Variants in ADGRE3 observed in about 807,000 individuals in gnomAD.
ADGRE3 encodes EGF-like module receptor 3.
A neutral mutation model predicts 80.1 loss-of-function variants in ADGRE3; 88 were observed. That is an observed-to-expected ratio of 1.10 (90% CI 0.93 to 1.31). The LOEUF (loss-of-function observed/expected upper bound fraction) is 1.31. ADGRE3 is among the 40% of genes most tolerant of loss of function. The pLI is 0.00. For synonymous variants in ADGRE3, 281 were observed against 294.8 expected (o/e 0.95, Z 0.48); for missense variants, 715 against 776.5 (o/e 0.92, Z 0.94).
At chr19:14,616,121 G>A (rs1027908911), downstream of ADGRE3, among the ~76,000 whole-genome samples, 1 of 151,876 alleles carries the variant, frequency 6.6e-6, no homozygotes, top group Admixed American at 6.6e-5. Flanking sequence ...TAGTAGAGAC[G>A]GGGTGTCACC....
intron 8 of ADGRE3, among the ~76,000 whole-genome samples, chr19:14,645,533 C>T (rs1303443131): frequency 6.6e-6 from 1 of 152,018 alleles, no homozygotes; most frequent in Non-Finnish European, 1.5e-5. Flanking sequence ...GTGGCACTTG[C>T]TCGTAATCCC....
the ADGRE3 span, among the ~76,000 whole-genome samples, chr19:14,614,040 A>G: frequency 1.3e-5 from 2 of 152,254 alleles, no homozygotes; most frequent in East Asian, 1.9e-4. Context: ...GCTGGAGTGC[A>G]GTGGCATTTC....
intron 4 of ADGRE3, among the ~76,000 whole-genome samples, chr19:14,660,037 G>A (rs1213578444): frequency 6.6e-6 from 1 of 151,928 alleles, no homozygotes; most frequent in African/African-American, 2.4e-5. Flanking sequence ...TCTAGAATAT[G>A]TTTGTTATAG....
chr19:14,618,277 G>A (rs1264639473), downstream of ADGRE3, among the ~76,000 whole-genome samples: 1 of 151,908 alleles, frequency 6.6e-6, no homozygotes, highest in Non-Finnish European at 1.5e-5. Flanking sequence ...CTCTCATCAG[G>A]CGCGATGGCT....
intron 15 of ADGRE3, among the ~76,000 whole-genome samples, chr19:14,620,566 ATATTTTTTTTTTTTT>A (rs1568471691): frequency 0.068 from 1,080 of 15,866 alleles, 115 homozygotes; most frequent in Non-Finnish European, 0.093. Context: ...ATATATATAT[ATATTTTTTTTTTTTT>A]TTTTTTTTTT....
chr19:14,623,742 C>T (rs913049607), intron 15 of ADGRE3, among the ~76,000 whole-genome samples: 1 of 152,154 alleles, frequency 6.6e-6, no homozygotes, highest in Non-Finnish European at 1.5e-5. Flanking sequence ...TCTGCTATGC[C>T]TACACTTGTA....
chr19:14,617,699 T>C (rs1017516195), downstream of ADGRE3, among the ~76,000 whole-genome samples: 1 of 151,916 alleles, frequency 6.6e-6, no homozygotes, highest in African/African-American at 2.4e-5. Context: ...CACCCGGCCA[T>C]GTCCTCTCTT....
the ADGRE3 span, among the ~76,000 whole-genome samples, chr19:14,609,715 G>A: frequency 7.2e-5 from 11 of 152,056 alleles, no homozygotes; most frequent in Non-Finnish European, 1.6e-4. Flanking sequence ...GTGGACACCT[G>A]TAATCCCAGC....
chr19:14,629,976 C>A, intron 14 of ADGRE3, 63 bp downstream of exon 14: 2 of 1,110,104 alleles, frequency 1.8e-6, no homozygotes, highest in Non-Finnish European at 2.6e-6. Context: ...CTTAAATCCC[C>A]ATTGAACTCC....
rs1568488475 is a variant in ADGRE3 at position 14,647,242 on chromosome 19, A to G, written c.821T>C (p.Ile274Thr). ...GAGAGACACGTTCCTTTTGGGTCCA[A>G]TAGCAGCACTCACAACCTGAGAGTT... Reference protein sequence around the residue: ...YLNSQVVSAAIGPKRNVSLSK... With the variant: ...YLNSQVVSAATGPKRNVSLSK... The change falls in exon 8 of 16, where the codon ATT becomes ACT. Residue 274 changes from isoleucine (I) to threonine (T), a missense_variant. Transcript: ENST00000253673. 3.1e-6 allele frequency: 5 copies of G among 1,614,084 alleles called. No individual in the cohort carries two copies. Among genetic ancestry groups the G allele is most frequent in the Non-Finnish European group, 4.2e-6 (5 of 1,179,966 alleles).
At chr19:14,615,158 T>A (rs867844126), downstream of ADGRE3, among the ~76,000 whole-genome samples, 1 of 150,536 alleles carries the variant, frequency 6.6e-6, no homozygotes, top group Non-Finnish European at 1.5e-5. Flanking sequence ...TCAGATTCCA[T>A]CTGTGCCTCC....
the ADGRE3 span, among the ~76,000 whole-genome samples, chr19:14,600,958 A>C: frequency 1.6e-5 from 2 of 124,334 alleles, no homozygotes; most frequent in African/African-American, 3.2e-5. Context: ...GCTGGAGTGC[A>C]GTGGTGCAAT....
chr19:14,667,960 ACACT>A (rs1474583480), intron 2 of ADGRE3, among the ~76,000 whole-genome samples: 2 of 152,168 alleles, frequency 1.3e-5, no homozygotes, highest in East Asian at 3.8e-4. Context: ...TACCCACTAA[ACACT>A]CACTCCAGGC....
At chr19:14,645,396 T>G (rs1971370173) in intron 8 of ADGRE3, among the ~76,000 whole-genome samples, 1 of 152,164 alleles carries the variant, frequency 6.6e-6, no homozygotes, top group Admixed American at 6.5e-5. Flanking sequence ...CAGTGGCTCA[T>G]GACTGTAATC....
At chr19:14,613,395 ATTTTTTT>A in the ADGRE3 span, among the ~76,000 whole-genome samples, 1 of 143,712 alleles carries the variant, frequency 7.0e-6, no homozygotes, top group Non-Finnish European at 1.5e-5. Context: ...GCTAATTTTA[ATTTTTTT>A]TTTTTTTTGT....
In ADGRE3 at chr19:14,659,898, G is replaced by A. The variant is rs370130622; in HGVS notation, c.356-1348C>T. ...TACATATCTTTTATCATCATGCTGA[G>A]GTTAAATCTGTACTTATTCTAAATT... On this transcript the variant is annotated intron_variant, in intron 4 of 15. Transcript: ENST00000253673. Among the ~76,000 whole-genome samples the A allele has an allele frequency of 6.1e-4, 91 of 149,214 alleles. No homozygotes were observed. In the South Asian group the frequency reaches 0.018, roughly 30 times the overall value.
intron 11 of ADGRE3, among the ~76,000 whole-genome samples, chr19:14,637,165 A>G (rs1208360989): frequency 6.6e-6 from 1 of 152,192 alleles, no homozygotes. Context: ...CCTGTGTACC[A>G]GTGAAACTAC....
chr19:14,658,456 A>G (rs1219628671), intron 5 of ADGRE3, 57 bp downstream of exon 5: 2 of 1,400,710 alleles, frequency 1.4e-6, no homozygotes, highest in Non-Finnish European at 1.9e-6. Context: ...GGCTTTGTAA[A>G]TATTTGTTAC....
intron 15 of ADGRE3, among the ~76,000 whole-genome samples, chr19:14,623,959 A>G (rs977750368): frequency 5.3e-5 from 8 of 152,178 alleles, no homozygotes; most frequent in Admixed American, 2.0e-4. Flanking sequence ...CCCTCCAGGA[A>G]AGCAAGTTTG....
Sources: gnomAD v4.1 joint callset for allele counts (sites outside exome capture counted in the v4.1 genomes callset) on GRCh38, gnomAD v4.1.1 for gene constraint, MANE v1.5 for transcripts, NCBI Gene and HGNC (gene_info 2026-07-23, HGNC 2026-07-21) for gene names.